UBR4: variants seen among roughly 807,000 people sequenced by gnomAD.
UBR4 encodes the protein ubiquitin protein ligase E3 component n-recognin 4, also known as E3 ubiquitin-protein ligase UBR4.
UBR4 carries 124 observed loss-of-function variants against 575.6 expected under a neutral mutation model. That is an observed-to-expected ratio of 0.22 (90% CI 0.19 to 0.25). The LOEUF (loss-of-function observed/expected upper bound fraction) is 0.25. Ranked by LOEUF, UBR4 falls within the 10% of genes least tolerant of loss-of-function variation. The pLI, the probability that UBR4 is intolerant of heterozygous loss-of-function variation, is 1.00. For synonymous variants in UBR4, 2,455 were observed against 2,473.7 expected (o/e 0.99, Z 0.22); for missense variants, 4,818 against 6,478.8 (o/e 0.74, Z 8.80).
Position 19,145,898 on chromosome 1 carries a change from A to G in UBR4, c.7840T>C (p.Leu2614=). ...ATGAAACTACAGCAATCTCCTTCCAACTGCTTCTGCGGTTCCTTCCCTTCA... is the reference window on the plus strand; with the variant it reads ...ATGAAACTACAGCAATCTCCTTCCAGCTGCTTCTGCGGTTCCTTCCCTTCA... ...MDEGKEPQKQ[L]EGDCCSFITQ... is the part of the protein sequence containing the mutation. The change falls in exon 53 of 106, where the codon TTG becomes CTG. Residue 2614 remains leucine, a synonymous_variant. Transcript: ENST00000375254. 6.2e-7 allele frequency: 1 copy of G among 1,614,216 alleles called. No homozygotes were observed. The highest frequency in any genetic ancestry group is 8.5e-7 in the Non-Finnish European group (1 of 1,180,022).
At chr1:19,183,696 T>C (rs867716161) in intron 17 of UBR4, 115 bp downstream of exon 17, 3 of 1,080,012 alleles carry the variant, frequency 2.8e-6, no homozygotes, top group Non-Finnish European at 4.1e-6. Context: ...CACTCCAGCC[T>C]GGGTAACAGA....
At chr1:19,177,885 A>G in intron 18 of UBR4, 142 bp from the exon 19 acceptor site, 1 of 1,089,516 alleles carries the variant, frequency 9.2e-7, no homozygotes, top group Non-Finnish European at 1.3e-6. Flanking sequence ...GCTACATGGT[A>G]AAGACAAGAC....
chr1:19,197,272 C>T lies in UBR4; in HGVS notation c.894-7G>A, dbSNP rs1204361243. 3.7e-6 allele frequency: 6 copies of T among 1,613,902 alleles called. No individual in the cohort carries two copies. The highest frequency in any genetic ancestry group is 4.2e-6 in the Non-Finnish European group (5 of 1,179,956). ...AATCACCAATGAATGAAAGCTGGAACATGACAGAGATCAACAAGTGTCTCT... is the reference window on the plus strand; with the variant it reads ...AATCACCAATGAATGAAAGCTGGAATATGACAGAGATCAACAAGTGTCTCT... On this transcript the variant is annotated splice_region_variant and splice_polypyrimidine_tract_variant and intron_variant, in intron 7 of 105. Transcript: ENST00000375254.
chr1:19,143,853 A>G, intron 55 of UBR4, 127 bp downstream of exon 55: 1 of 739,388 alleles, frequency 1.4e-6, no homozygotes, highest in Admixed American at 2.6e-5. Flanking sequence ...TAGGATTAGA[A>G]AAAAGACAGA....
chr1:19,117,501 C>A lies in UBR4; in HGVS notation c.10630-87G>T, dbSNP rs1467096071. ...TTCATCAGTGTAACCCACTCTTCAT[C>A]CACAAGATGAAGTTTCTATTTAATT... On this transcript the variant is annotated intron_variant, in intron 72 of 105. Coordinates refer to ENST00000375254, the MANE Select transcript of UBR4 (RefSeq NM_020765.3). The surrounding 1 kb of genome is among the most constrained non-coding windows in gnomAD (Gnocchi z 4.0). The A allele has an allele frequency of 4.4e-6, 6 of 1,371,430 alleles. No homozygotes were observed. Among genetic ancestry groups the A allele is most frequent in the African/African-American group, 1.5e-5 (1 of 68,464 alleles). The allele number at this position is 1,371,430 out of a possible 1,614,324, so 85.0% of individuals were successfully genotyped here.
rs1280648398 is a variant in UBR4, at chr1:19,101,615, T to C, written c.12928A>G (p.Met4310Val). 9 of 1,611,574 alleles carry C rather than the reference T, an allele frequency of 5.6e-6. No homozygotes were observed. The highest frequency in any genetic ancestry group is 7.6e-6 in the Non-Finnish European group (9 of 1,177,910). ...TGTESETKAF[M>V]AVCIETAKRY... ...TTGGCTGTCTCAATGCACACAGCCA[T>C]GAAGGCCTTGGTTTCTGATTCTGTA... Residue 4310 changes from methionine to valine, a missense_variant, in exon 88 of 106, where the codon ATG (methionine) becomes GTG (valine). Physicochemically the swap from Met to Val is conservative, Grantham distance 21 (BLOSUM62 1). Coordinates refer to ENST00000375254, the MANE Select transcript of UBR4 (RefSeq NM_020765.3).
intron 60 of UBR4, among the ~76,000 whole-genome samples, chr1:19,137,070 G>A (rs1194882113): frequency 1.3e-5 from 2 of 152,020 alleles, no homozygotes; most frequent in African/African-American, 4.8e-5. Context: ...AGGTGGAGGT[G>A]AGTGGATCAC....
At chr1:19,076,375 C>A (rs938931150) in intron 105 of UBR4, among the ~76,000 whole-genome samples, 6 of 152,162 alleles carry the variant, frequency 3.9e-5, no homozygotes, top group Non-Finnish European at 1.5e-5. Flanking sequence ...AACAGGGATG[C>A]TATCACTTTC....
At chr1:19,209,643 C>T (rs1320204610) in intron 1 of UBR4, among the ~76,000 whole-genome samples, 1 of 152,234 alleles carries the variant, frequency 6.6e-6, no homozygotes. Flanking sequence ...CACGTGCCCC[C>T]ACTGATTACA....
intron 75 of UBR4, 83 bp from the exon 76 acceptor site, chr1:19,114,153 C>T: frequency 6.5e-7 from 1 of 1,534,296 alleles, no homozygotes; most frequent in East Asian, 2.3e-5. Context: ...AACCATTTAC[C>T]AGAACATTTC....
chr1:19,109,429 C>G (rs1028925738), intron 81 of UBR4, among the ~76,000 whole-genome samples: 1 of 152,216 alleles, frequency 6.6e-6, no homozygotes, highest in Non-Finnish European at 1.5e-5. Flanking sequence ...CTAAGATGGT[C>G]CAGTTCCTGG....
chr1:19,138,059 A>G lies in UBR4; in HGVS notation c.8854T>C (p.Ser2952Pro). 6.3e-7 allele frequency: 1 copy of G among 1,591,182 alleles called. No individual in the cohort carries two copies. Among genetic ancestry groups the G allele is most frequent in the Non-Finnish European group, 8.6e-7 (1 of 1,165,244 alleles). The change falls in exon 60 of 106, where the codon TCC (serine) becomes CCC (proline). Residue 2952 changes from serine (S) to proline (P), a missense_variant. Ser to Pro is a moderately conservative substitution (Grantham distance 74). Transcript: ENST00000375254. ...TTTGHQEGDG[S>P]EGEGEGETEG... ...GTTTCTCCTTCTCCTTCTCCCTCGG[A>G]GCCATCTCCCTCCTGGTGCCCAGTG...
chr1:19,164,317 T>C lies in UBR4; in HGVS notation c.4636A>G (p.Ser1546Gly), dbSNP rs1371740130. Residue 1546 changes from serine to glycine, a missense_variant, in exon 33 of 106, where the codon AGT (serine) becomes GGT (glycine). Physicochemically the swap from Ser to Gly is moderately conservative, Grantham distance 56 (BLOSUM62 0). Transcript: ENST00000375254. ...ELMVVMATLA[S>G]AGQGAGHLQL... ...AGGTGACCAGCACCTTGACCTGCACTGGCCAGAGTGGCCATCACAACCATA... is the reference window on the plus strand; with the variant it reads ...AGGTGACCAGCACCTTGACCTGCACCGGCCAGAGTGGCCATCACAACCATA... 1 of 1,614,236 alleles carries C rather than the reference T, an allele frequency of 6.2e-7. No individual in the cohort carries two copies. Among genetic ancestry groups the C allele is most frequent in the Non-Finnish European group, 8.5e-7 (1 of 1,180,046 alleles).
Position 19,156,812 on chromosome 1 carries a change from T to C in UBR4, c.5874A>G (p.Thr1958=). Residue 1958 remains threonine (T), a synonymous_variant, in exon 41 of 106, where the codon ACA becomes ACG. Coordinates refer to ENST00000375254, the MANE Select transcript of UBR4 (RefSeq NM_020765.3). The stretch of plus-strand genomic sequence containing the variant: ...AGTAGTCTTCCTTGCAGGGATTTCC[T>C]GTGAGGCTCAACACAGTAAAAGGAA... The part of the protein sequence containing the change: ...APVPFTVLSL[T]GNPCKEDYLA... 1 of 1,614,198 alleles carries C rather than the reference T, an allele frequency of 6.2e-7. No homozygotes were observed.
In UBR4 at chr1:19,173,262, C is replaced by T. The variant is rs139169105; in HGVS notation, c.3210G>A (p.Ser1070=). Residue 1070 remains serine, a synonymous_variant, in exon 24 of 106, where the codon TCG becomes TCA. Coordinates refer to ENST00000375254, the MANE Select transcript of UBR4 (RefSeq NM_020765.3). ...TAGTGGTGGATGCCAGTTCTAGAAG[C>T]GAGCTAGCATGCTCAGCCTTCATTC... ...KQGMKAEHAS[S]LLELASTTKC... The T allele has an allele frequency of 6.4e-5, 103 of 1,614,144 alleles. No individual in the cohort carries two copies. Among genetic ancestry groups the T allele is most frequent in the Non-Finnish European group, 7.7e-5 (91 of 1,180,022 alleles).
rs2079733250 is a variant in UBR4 at position 19,110,554 on chromosome 1, G to A, written c.11893-90C>T. 2 of 1,440,918 alleles carry A rather than the reference G, an allele frequency of 1.4e-6. No individual in the cohort carries two copies. The highest frequency in any genetic ancestry group is 1.8e-5 in the Admixed American group (1 of 56,002). The allele number at this position is 1,440,918 out of a possible 1,614,324, so 89.3% of individuals were successfully genotyped here. A position where few individuals can be genotyped will look rare whatever the true frequency, so the allele number is the denominator to read the frequency against. On this transcript the variant is annotated intron_variant, in intron 79 of 105. Coordinates refer to ENST00000375254, the MANE Select transcript of UBR4 (RefSeq NM_020765.3). The surrounding 1 kb of genome is among the most constrained non-coding windows in gnomAD (Gnocchi z 4.5). ...TTAATACAATTTCTGGTCCTAGGTG[G>A]CTCCAACAGAGACAAAGGACAGACG...
intron 27 of UBR4, among the ~76,000 whole-genome samples, 161 bp from the exon 28 acceptor site, chr1:19,168,345 G>A (rs2150775024): frequency 6.6e-6 from 1 of 152,298 alleles, no homozygotes; most frequent in South Asian, 2.1e-4. Context: ...GGGAAGTGGG[G>A]TACAGAAAAG....
In UBR4 at chr1:19,184,037, C is replaced by G; in HGVS notation, c.2077G>C (p.Val693Leu). ...TGACCCTTGAGTCCATCTTTGTCCA[C>G]CTCCTTGATGATACTGGCTAGGGTG... ...MATLASIIKE[V>L]DKDGLKGSSD... The change falls in exon 16 of 106, where the codon GTG becomes CTG. Residue 693 changes from valine (V) to leucine (L), a missense_variant. By Grantham distance (32) the Val-to-Leu change is conservative. Coordinates refer to ENST00000375254, the MANE Select transcript of UBR4 (RefSeq NM_020765.3). 1 of 1,614,140 alleles carries G rather than the reference C, an allele frequency of 6.2e-7. No homozygotes were observed. Among genetic ancestry groups the G allele is most frequent in the Non-Finnish European group, 8.5e-7 (1 of 1,179,996 alleles).
intron 94 of UBR4, among the ~76,000 whole-genome samples, chr1:19,094,634 A>G (rs2077846171): frequency 6.6e-6 from 1 of 152,252 alleles, no homozygotes; most frequent in Non-Finnish European, 1.5e-5. Context: ...GTTGGACTAA[A>G]GCCTCTGTCT....
Sources: allele counts gnomAD v4.1 joint callset (sites outside exome capture counted in the v4.1 genomes callset), GRCh38; gene constraint gnomAD v4.1.1; non-coding constraint Gnocchi (gnomAD v3.1); transcripts MANE v1.5; gene names NCBI Gene and HGNC (gene_info 2026-07-23, HGNC 2026-07-21).